KHDC1: variants seen among roughly 807,000 people sequenced by gnomAD.
KHDC1 encodes KH domain containing 1, also known as KH homology domain-containing protein 1.
In KHDC1, 21 loss-of-function variants were observed where a neutral mutation model predicts 24.7. That is an observed-to-expected ratio of 0.85 (90% CI 0.60 to 1.23). KHDC1 has a LOEUF of 1.23. Ranked by LOEUF, KHDC1 falls within the 50% of genes most tolerant of loss-of-function variation. KHDC1 has a pLI of 0.00. For synonymous variants in KHDC1, 98 were observed against 111.7 expected (o/e 0.88, Z 0.77); for missense variants, 274 against 298.5 (o/e 0.92, Z 0.61).
intron 2 of KHDC1, among the ~76,000 whole-genome samples, chr6:73,281,532 G>A (rs555884245): frequency 2.3e-4 from 35 of 149,328 alleles, no homozygotes; most frequent in African/African-American, 5.7e-4. Flanking sequence ...CAGGAGAATC[G>A]CTTGAACCCA....
chr6:73,309,358 C>T (rs750938815), intron 1 of KHDC1, among the ~76,000 whole-genome samples: 1 of 152,166 alleles, frequency 6.6e-6, no homozygotes, highest in Admixed American at 6.5e-5. Flanking sequence ...CCTTCCCAAC[C>T]ACATCTTGCC....
chr6:73,246,676 T>C, intron 2 of KHDC1, among the ~76,000 whole-genome samples: 1 of 152,322 alleles, frequency 6.6e-6, no homozygotes, highest in Non-Finnish European at 1.5e-5. Flanking sequence ...ATTTTTTAAC[T>C]TTAGAAGTAC....
chr6:73,280,617 T>C (rs1213772121), intron 2 of KHDC1, among the ~76,000 whole-genome samples: 1 of 148,674 alleles, frequency 6.7e-6, no homozygotes, highest in African/African-American at 2.5e-5. Flanking sequence ...ACCTCCCAGG[T>C]TCAAGTGATT....
intron 1 of KHDC1, chr6:73,299,398 A>G (rs1341801434): frequency 6.6e-6 from 1 of 152,266 alleles, no homozygotes; most frequent in Non-Finnish European, 1.5e-5. Flanking sequence ...TTTGTTGGAG[A>G]CAGCGCGGTT....
intron 2 of KHDC1, among the ~76,000 whole-genome samples, chr6:73,278,218 C>T (rs963564447): frequency 2.7e-5 from 4 of 149,362 alleles, no homozygotes; most frequent in Non-Finnish European, 5.9e-5. Context: ...TTCACCGCCA[C>T]ATTGGCCAGG....
intron 2 of KHDC1, among the ~76,000 whole-genome samples, chr6:73,270,975 C>G (rs1343269738): frequency 6.6e-6 from 1 of 152,022 alleles, no homozygotes; most frequent in African/African-American, 2.4e-5. Context: ...CAAGCGTGAG[C>G]CACCGCGCCC....
At chr6:73,278,066 C>T (rs1228677429) in intron 2 of KHDC1, among the ~76,000 whole-genome samples, 1 of 130,474 alleles carries the variant, frequency 7.7e-6, no homozygotes. Context: ...AGCTGGAGTG[C>T]GGTGGTGCGA....
chr6:73,303,072 G>T (rs1767905070), intron 1 of KHDC1, among the ~76,000 whole-genome samples: 1 of 152,086 alleles, frequency 6.6e-6, no homozygotes, highest in Non-Finnish European at 1.5e-5. Context: ...GTGAGACTCT[G>T]CCCCAAAAAT....
chr6:73,279,653 C>T (rs1371592416), intron 2 of KHDC1, among the ~76,000 whole-genome samples: 1 of 141,986 alleles, frequency 7.0e-6, no homozygotes, highest in African/African-American at 2.6e-5. Context: ...GAACATGGCT[C>T]ACTGCAGCCT....
At chr6:73,264,041 ATTTAAAAATCAG>A (rs1767035969) in intron 2 of KHDC1, among the ~76,000 whole-genome samples, 1 of 152,130 alleles carries the variant, frequency 6.6e-6, no homozygotes, top group African/African-American at 2.4e-5. Flanking sequence ...TCTACAAAAA[ATTTAAAAATCAG>A]CTGGGCATGG....
At chr6:73,309,435 C>G (rs1768037458) in intron 1 of KHDC1, 1 of 1,058,636 alleles carries the variant, frequency 9.4e-7, no homozygotes, top group East Asian at 2.7e-5. Flanking sequence ...CAGAACTGTC[C>G]TAGGCCTTCA....
chr6:73,306,143 T>C (rs1767957690), intron 1 of KHDC1, among the ~76,000 whole-genome samples: 1 of 152,048 alleles, frequency 6.6e-6, no homozygotes, highest in Non-Finnish European at 1.5e-5. Flanking sequence ...AATGAATCTT[T>C]CCATATAGCT....
intron 2 of KHDC1, among the ~76,000 whole-genome samples, chr6:73,291,551 TC>T (rs1373394369): frequency 6.6e-6 from 1 of 152,072 alleles, no homozygotes; most frequent in Non-Finnish European, 1.5e-5. Flanking sequence ...GTTCTTGACT[TC>T]CTAACTTCAA....
intron 1 of KHDC1, chr6:73,293,217 T>C: frequency 1.5e-6 from 1 of 681,594 alleles, no homozygotes; most frequent in South Asian, 1.4e-5. Context: ...AGAAGAAACT[T>C]AATGACAATA....
intron 1 of KHDC1, among the ~76,000 whole-genome samples, chr6:73,294,463 A>T (rs528288769): frequency 6.6e-6 from 1 of 152,094 alleles, no homozygotes; most frequent in Non-Finnish European, 1.5e-5. Context: ...TCCTAATTTG[A>T]TATGTAGCAT....
intron 2 of KHDC1, chr6:73,284,623 A>T (rs1433962155): frequency 6.6e-6 from 1 of 151,998 alleles, no homozygotes. Context: ...TTACTACCAC[A>T]ATGCTGTCTC....
intron 2 of KHDC1, among the ~76,000 whole-genome samples, chr6:73,256,177 T>C (rs1445831435): frequency 6.6e-6 from 1 of 152,166 alleles, no homozygotes; most frequent in African/African-American, 2.4e-5. Flanking sequence ...AATATTAGAA[T>C]AAATTGCTAG....
In KHDC1 at chr6:73,281,199, C is replaced by T. The variant is rs1023372634; in HGVS notation, c.206+10799G>A. On this transcript the variant is annotated intron_variant, in intron 2 of 4. Transcript: ENST00000370384. The stretch of plus-strand genomic sequence containing the variant: ...TACTAAAAATAGAAATTTAGCCAGG[C>T]GTGGTGGCACACACCTGTAATCCCA... Among the ~76,000 whole-genome samples, 6 of 152,064 alleles carry T rather than the reference C, an allele frequency of 3.9e-5. No individual in the cohort carries two copies. The East Asian group carries it at 7.7e-4, about 20-fold the overall frequency.
intron 3 of KHDC1, 65 bp downstream of exon 2, chr6:73,242,341 G>GGA: frequency 6.2e-7 from 1 of 1,610,302 alleles, no homozygotes; most frequent in Non-Finnish European, 8.5e-7. Flanking sequence ...AGGTGGGAGG[G>GGA]GAGAGGAAGA....
Sources: allele counts gnomAD v4.1 joint callset (sites outside exome capture counted in the v4.1 genomes callset), GRCh38; gene constraint gnomAD v4.1.1; transcripts MANE v1.5; gene names NCBI Gene and HGNC (gene_info 2026-07-23, HGNC 2026-07-21).